Variants in GPATCH1 observed in about 807,000 individuals in gnomAD.
GPATCH1 encodes G-patch domain containing 1.
A neutral mutation model predicts 114.9 loss-of-function variants in GPATCH1; 73 were observed. The observed-to-expected ratio is 0.64, with a 90% CI of 0.53 to 0.77. The LOEUF is 0.77. Ranked by LOEUF, GPATCH1 falls within the 30% of genes least tolerant of loss-of-function variation. GPATCH1 has a pLI of 0.00. For missense variants in GPATCH1, 1,058 were observed against 1,144.3 expected, an observed-to-expected ratio of 0.92 and a Z score of 1.09; for synonymous variants, 391 against 428.4, an observed-to-expected ratio of 0.91 and a Z score of 1.08.
intron 16 of GPATCH1, 122 bp from the exon 17 acceptor site, chr19:33,118,888 C>G: frequency 1.7e-6 from 1 of 599,926 alleles, no homozygotes; most frequent in Non-Finnish European, 2.9e-6. Flanking sequence ...ATCCTTAGCA[C>G]CTGGCAGGAG....
At chr19:33,093,641 GA>G in intron 4 of GPATCH1, 122 bp downstream of exon 4, 1 of 909,762 alleles carries the variant, frequency 1.1e-6, no homozygotes, top group Non-Finnish European at 1.7e-6. Flanking sequence ...AAGTCTAAGT[GA>G]AAAAGGGGGT....
chr19:33,111,674 C>T, intron 11 of GPATCH1, 50 bp from the exon 12 acceptor site: 1 of 1,554,710 alleles, frequency 6.4e-7, no homozygotes, highest in Non-Finnish European at 8.8e-7. Flanking sequence ...TCTTGTAAGC[C>T]CCATGTTTTC....
intron 17 of GPATCH1, among the ~76,000 whole-genome samples, chr19:33,122,908 T>G (rs780045757): frequency 6.0e-5 from 9 of 150,068 alleles, no homozygotes; most frequent in African/African-American, 1.5e-4. Context: ...CTTAAAAAAA[T>G]AAAAAAGAAA....
At position 33,111,746 on chromosome 19, in the gene GPATCH1, C is replaced by T. The variant is rs770331466; in HGVS notation, c.1608C>T (p.Asp536=). The change falls in exon 12 of 20, where the codon GAC becomes GAT. Residue 536 remains aspartate (D), a synonymous_variant. Coordinates refer to ENST00000170564, the MANE Select transcript of GPATCH1 (RefSeq NM_018025.3). ...CAGATGCTCTGGAACGCTGTCTGGA[C>T]CCCAGCATGACAGAGTGGGAGCGAG... ...GQKDALERCL[D]PSMTEWERGR... The T allele has an allele frequency of 5.0e-6, 8 of 1,614,042 alleles. No individual in the cohort carries two copies. Among genetic ancestry groups the T allele is most frequent in the Non-Finnish European group, 6.8e-6 (8 of 1,180,002 alleles).
At chr19:33,127,377 CG>C (rs1326607950) in intron 19 of GPATCH1, among the ~76,000 whole-genome samples, 2 of 151,536 alleles carry the variant, frequency 1.3e-5, no homozygotes, top group African/African-American at 4.9e-5. Flanking sequence ...ATTAGCTGGG[CG>C]TGGAGCGTGT....
chr19:33,113,870 A>G lies in GPATCH1; in HGVS notation c.1996A>G (p.Ser666Gly). The stretch of plus-strand genomic sequence containing the variant: ...TTCCTTGCCCACCACTCAAGCATCA[A>G]GTGAAAAAGTATCACAGCACCGAGG... ...TASLPTTQAS[S>G]EKVSQHRGPD... The change falls in exon 14 of 20, where the codon AGT becomes GGT. Residue 666 changes from serine (S) to glycine (G), a missense_variant. By Grantham distance (56) the Ser-to-Gly change is moderately conservative. This residue lies in a region of GPATCH1 where 893 missense variants were observed against 977.4 expected (regional missense o/e 0.91). Coordinates refer to ENST00000170564, the MANE Select transcript of GPATCH1 (RefSeq NM_018025.3). 6.2e-7 allele frequency: 1 copy of G among 1,614,126 alleles called. No individual in the cohort carries two copies.
chr19:33,115,780 C>T (rs1291615071), intron 15 of GPATCH1, among the ~76,000 whole-genome samples: 1 of 152,136 alleles, frequency 6.6e-6, no homozygotes, highest in Admixed American at 6.6e-5. Flanking sequence ...CAGGCATAAG[C>T]CACCGCGCCT....
Position 33,114,348 on chromosome 19 carries a change from C to T in GPATCH1, c.2125C>T (p.Pro709Ser), listed in dbSNP as rs757582417. ...FLSLARSKAE[P>S]PKQQSSPLVN... ...AAGTTTGGCTAGATCAAAAGCCGAGCCACCTAAACAACAGTCCAGCCCCTT... is the reference window on the plus strand; with the variant it reads ...AAGTTTGGCTAGATCAAAAGCCGAGTCACCTAAACAACAGTCCAGCCCCTT... Residue 709 changes from proline to serine, a missense_variant, in exon 15 of 20, where the codon CCA becomes TCA. Coordinates refer to ENST00000170564, the MANE Select transcript of GPATCH1 (RefSeq NM_018025.3). 6.2e-7 allele frequency: 1 copy of T among 1,613,086 alleles called. No homozygotes were observed. The highest frequency in any genetic ancestry group is 1.3e-5 in the African/African-American group (1 of 74,830).
chr19:33,101,037 A>G (rs771312472), intron 8 of GPATCH1, among the ~76,000 whole-genome samples: 3 of 152,168 alleles, frequency 2.0e-5, no homozygotes, highest in South Asian at 2.1e-4. Context: ...TTTCATCCCT[A>G]TTTGGATTGT....
At chr19:33,108,372 C>T (rs58344387) in intron 10 of GPATCH1, among the ~76,000 whole-genome samples, 2,707 of 152,318 alleles carry the variant, frequency 0.018, 60 homozygotes, top group African/African-American at 0.062. Flanking sequence ...ACCACCTTCC[C>T]TTACCCTCCC....
At chr19:33,114,797 CTTTTTTTTTTTT>C (rs546074419) in intron 15 of GPATCH1, among the ~76,000 whole-genome samples, 1 of 87,202 alleles carries the variant, frequency 1.1e-5, no homozygotes, top group Non-Finnish European at 2.1e-5. Flanking sequence ...CTATTTCTCT[CTTTTTTTTTTTT>C]TTTTTTTTTT....
chr19:33,129,684 A>T (rs1201054631), intron 19 of GPATCH1, among the ~76,000 whole-genome samples: 1 of 152,168 alleles, frequency 6.6e-6, no homozygotes, highest in Non-Finnish European at 1.5e-5. Flanking sequence ...ACGGTGGCTC[A>T]TGCCTGTAAT....
intron 8 of GPATCH1, among the ~76,000 whole-genome samples, chr19:33,099,486 C>T (rs1466099946): frequency 7.2e-5 from 11 of 151,962 alleles, no homozygotes; most frequent in Admixed American, 6.6e-4. Flanking sequence ...TCTCCCCCAG[C>T]TTCCTCTCTC....
chr19:33,090,932 C>G lies in GPATCH1; in HGVS notation c.294+67C>G, dbSNP rs1376684297. On this transcript the variant is annotated intron_variant, in intron 3 of 19. Transcript: ENST00000170564. The stretch of plus-strand genomic sequence containing the variant: ...AGGTCTAGTTGGTTGCTGTAACTGC[C>G]TTCTCTCTCCCCAGAAGGTCCAATG... 3.3e-6 allele frequency: 3 copies of G among 898,870 alleles called. No homozygotes were observed. The Admixed American group carries it at 5.6e-5, about 17-fold the overall frequency. The allele number at this position is 898,870 out of a possible 1,614,324, so 55.7% of individuals were successfully genotyped here.
At chr19:33,095,950 A>C (rs1473182090) in intron 6 of GPATCH1, 130 bp downstream of exon 6, 3 of 787,884 alleles carry the variant, frequency 3.8e-6, no homozygotes, top group Non-Finnish European at 6.7e-6. Flanking sequence ...CATACCCTAA[A>C]GCTATCCTCA....
At chr19:33,105,250 G>A (rs1234418414) in intron 9 of GPATCH1, among the ~76,000 whole-genome samples, 1 of 151,388 alleles carries the variant, frequency 6.6e-6, no homozygotes, top group Non-Finnish European at 1.5e-5. Context: ...TGGCCAACAT[G>A]GTGAAACCCC....
chr19:33,113,991 T>C (rs1972888823), intron 14 of GPATCH1, 88 bp downstream of exon 14: 3 of 1,205,544 alleles, frequency 2.5e-6, no homozygotes, highest in Non-Finnish European at 2.4e-6. Flanking sequence ...AGTTTAGTCC[T>C]AACAATGTGA....
At chr19:33,122,481 C>T (rs113648249) in intron 17 of GPATCH1, among the ~76,000 whole-genome samples, 2,987 of 152,120 alleles carry the variant, frequency 0.02, 123 homozygotes, top group African/African-American at 0.068. Context: ...CCTGCCACCA[C>T]GCCTGCCTAA....
In GPATCH1 at chr19:33,118,994, C is replaced by G; in HGVS notation, c.2414-16C>G. On this transcript the variant is annotated splice_polypyrimidine_tract_variant and intron_variant, in intron 16 of 19. Transcript: ENST00000170564. ...ATGGGGCAGACGAATGACATGAACA[C>G]CCCGCTGTTTTTCAGCTCTTGTGCC... is the stretch of plus-strand genomic sequence containing the variant. 6.6e-7 allele frequency: 1 copy of G among 1,515,724 alleles called. No homozygotes were observed. The highest frequency in any genetic ancestry group is 1.4e-5 in the African/African-American group (1 of 72,658). The allele number at this position is 1,515,724 out of a possible 1,614,324, so 93.9% of individuals were successfully genotyped here. A position where few individuals can be genotyped will look rare whatever the true frequency, so the allele number is the denominator to read the frequency against.
Sources: gnomAD v4.1 joint callset for allele counts (sites outside exome capture counted in the v4.1 genomes callset) on GRCh38, gnomAD v4.1.1 for gene constraint, gnomAD v4.1.1 regional missense constraint, MANE v1.5 for transcripts, NCBI Gene and HGNC (gene_info 2026-07-23, HGNC 2026-07-21) for gene names.